Variants in CDYL2 observed in about 807,000 individuals in gnomAD.
CDYL2 encodes the protein chromodomain Y like 2.
In CDYL2, 23 loss-of-function variants were observed where a neutral mutation model predicts 49.4. The ratio of observed to expected loss-of-function variants is 0.47; its 90% CI spans 0.34 to 0.66. The LOEUF is 0.66. Ranked by LOEUF, CDYL2 falls within the 30% of genes least tolerant of loss-of-function variation. The pLI is 0.01. For missense variants in CDYL2, 678 were observed against 656.4 expected (o/e 1.03, Z -0.36); for synonymous variants, 360 against 268.8 (o/e 1.34, Z -3.32).
intron 2 of CDYL2, among the ~76,000 whole-genome samples, chr16:80,643,252 A>G (rs1290489402): frequency 1.3e-5 from 2 of 152,160 alleles, no homozygotes; most frequent in African/African-American, 4.8e-5. Context: ...CAGGTCTCAC[A>G]TCCAGGTCAC....
intron 1 of CDYL2, among the ~76,000 whole-genome samples, chr16:80,737,933 T>C (rs540923542): frequency 3.0e-3 from 455 of 152,300 alleles, no homozygotes; most frequent in Non-Finnish European, 4.2e-3. Context: ...GTTTGTTACA[T>C]AGGTATACAT....
At chr16:80,731,060 T>G (rs1399007892) in intron 1 of CDYL2, among the ~76,000 whole-genome samples, 1 of 152,184 alleles carries the variant, frequency 6.6e-6, no homozygotes, top group East Asian at 1.9e-4. Context: ...GTAAAATATG[T>G]CAAAGCTTAT....
intron 2 of CDYL2, among the ~76,000 whole-genome samples, chr16:80,671,418 C>A (rs555180123): frequency 2.6e-5 from 4 of 152,192 alleles, no homozygotes; most frequent in Non-Finnish European, 2.9e-5. Context: ...GGGTTCCCTG[C>A]CACCCAGGCC....
intron 1 of CDYL2, among the ~76,000 whole-genome samples, chr16:80,727,617 G>A (rs1185051528): frequency 6.6e-6 from 1 of 152,258 alleles, no homozygotes; most frequent in East Asian, 1.9e-4. Context: ...AGGCCTGCCT[G>A]CCTCTGTAGG....
chr16:80,720,520 G>C (rs920545794), intron 1 of CDYL2, among the ~76,000 whole-genome samples: 9 of 152,236 alleles, frequency 5.9e-5, no homozygotes, highest in African/African-American at 1.9e-4. Context: ...CTCGTCTACA[G>C]AGCAAGGACA....
chr16:80,706,406 C>G (rs1250210019), intron 1 of CDYL2, among the ~76,000 whole-genome samples: 3 of 152,326 alleles, frequency 2.0e-5, no homozygotes, highest in East Asian at 3.9e-4. Flanking sequence ...CAGCTTGAAT[C>G]TAGGCCTCCA....
chr16:80,733,773 T>G (rs185260597), intron 1 of CDYL2, among the ~76,000 whole-genome samples: 148 of 152,300 alleles, frequency 9.7e-4, no homozygotes, highest in Non-Finnish European at 1.5e-3. Flanking sequence ...GACCCAGTGA[T>G]TGCCTTTAAC....
intron 5 of CDYL2, among the ~76,000 whole-genome samples, chr16:80,610,853 T>G (rs1906562952): frequency 6.6e-6 from 1 of 152,166 alleles, no homozygotes; most frequent in African/African-American, 2.4e-5. Flanking sequence ...CTATGACATC[T>G]GCTGGCAGAT....
intron 2 of CDYL2, among the ~76,000 whole-genome samples, chr16:80,672,318 T>TACACACAC (rs68135845): frequency 1.1e-4 from 14 of 126,934 alleles, no homozygotes; most frequent in Non-Finnish European, 1.7e-4. Flanking sequence ...TACAAAATGT[T>TACACACAC]ACACACACAC....
chr16:80,724,221 G>A (rs917394249), intron 1 of CDYL2, among the ~76,000 whole-genome samples: 1 of 147,272 alleles, frequency 6.8e-6, no homozygotes, highest in Non-Finnish European at 1.5e-5. Flanking sequence ...GAAGAAAGAG[G>A]AAGAGGAGGG....
At chr16:80,765,504 C>T (rs113880304) in intron 1 of CDYL2, among the ~76,000 whole-genome samples, 3 of 151,744 alleles carry the variant, frequency 2.0e-5, no homozygotes, top group African/African-American at 7.3e-5. Context: ...CACTGGAAAA[C>T]AGCCTGGCAG....
intron 1 of CDYL2, among the ~76,000 whole-genome samples, chr16:80,767,239 C>G (rs1906757421): frequency 6.6e-6 from 1 of 152,110 alleles, no homozygotes; most frequent in Non-Finnish European, 1.5e-5. Context: ...ATTACCAAAC[C>G]ACATCGAGGA....
chr16:80,799,758 G>A (rs916997175), intron 1 of CDYL2, among the ~76,000 whole-genome samples: 4 of 152,186 alleles, frequency 2.6e-5, no homozygotes, highest in Non-Finnish European at 5.9e-5. Flanking sequence ...TGCCTGCCCA[G>A]AGGGAATAAT....
chr16:80,695,650 C>T (rs201509141), intron 1 of CDYL2, among the ~76,000 whole-genome samples: 12 of 151,844 alleles, frequency 7.9e-5, no homozygotes, highest in Admixed American at 7.9e-4. Context: ...CTGTAAAAAG[C>T]AATAAAGGAG....
intron 2 of CDYL2, among the ~76,000 whole-genome samples, chr16:80,648,718 A>G (rs1908458425): frequency 6.6e-6 from 1 of 152,046 alleles, no homozygotes; most frequent in Admixed American, 6.6e-5. Context: ...ACTACTGGCC[A>G]GCATCTCTCA....
At chr16:80,631,990 G>A (rs974439793) in intron 3 of CDYL2, among the ~76,000 whole-genome samples, 10 of 152,124 alleles carry the variant, frequency 6.6e-5, no homozygotes, top group African/African-American at 2.2e-4. Flanking sequence ...GCAGTTCCTC[G>A]AAAAATACGG....
At chr16:80,786,157 A>C (rs146924315) in intron 1 of CDYL2, among the ~76,000 whole-genome samples, 1 of 152,246 alleles carries the variant, frequency 6.6e-6, no homozygotes, top group African/African-American at 2.4e-5. Context: ...AAAAGAAACT[A>C]TCATCACAGT....
intron 1 of CDYL2, among the ~76,000 whole-genome samples, chr16:80,740,536 G>A (rs1437612270): frequency 1.3e-5 from 2 of 151,938 alleles, no homozygotes; most frequent in African/African-American, 4.8e-5. Flanking sequence ...ATGCAATAAG[G>A]CAGGAAATAA....
intron 1 of CDYL2, among the ~76,000 whole-genome samples, chr16:80,739,460 C>G (rs775915339): frequency 1.3e-5 from 2 of 152,068 alleles, no homozygotes; most frequent in African/African-American, 2.4e-5. Flanking sequence ...TGGGGAGATG[C>G]AAGAGCTAAA....
Sources: allele counts gnomAD v4.1 joint callset (sites outside exome capture counted in the v4.1 genomes callset), GRCh38; gene constraint gnomAD v4.1.1; transcripts MANE v1.5; gene names NCBI Gene and HGNC (gene_info 2026-07-23, HGNC 2026-07-21).